Variants in RPH3A observed in about 807,000 individuals in gnomAD.
RPH3A encodes rabphilin 3A.
A neutral mutation model predicts 102.2 loss-of-function variants in RPH3A; 48 were observed. That is an observed-to-expected ratio of 0.47 (90% CI 0.37 to 0.60). The LOEUF is 0.60. Ranked by LOEUF, RPH3A falls within the 20% of genes least tolerant of loss-of-function variation. RPH3A has a pLI of 0.00. For missense variants in RPH3A, 781 were observed against 910.1 expected (o/e 0.86, Z 1.83); for synonymous variants, 310 against 324.3 (o/e 0.96, Z 0.47).
chr12:112,708,353 C>G (rs1436417668), intron 1 of RPH3A, among the ~76,000 whole-genome samples: 1 of 152,170 alleles, frequency 6.6e-6, no homozygotes, highest in African/African-American at 2.4e-5. Flanking sequence ...CCTCTTTGGG[C>G]TGTCCAGGCG....
chr12:112,789,843 G>A (rs1278659726), upstream of RPH3A, among the ~76,000 whole-genome samples: 1 of 148,588 alleles, frequency 6.7e-6, no homozygotes, highest in Non-Finnish European at 1.5e-5. Flanking sequence ...TTTGAGGCGA[G>A]GAGTTCAAGA....
At chr12:112,651,788 T>A (rs948744229) in intron 1 of RPH3A, 9 of 152,242 alleles carry the variant, frequency 5.9e-5, no homozygotes, top group Non-Finnish European at 1.2e-4. Context: ...CATGTTTCTA[T>A]TTTCTGCTTC....
intron 1 of RPH3A, among the ~76,000 whole-genome samples, chr12:112,614,559 A>G (rs1489926693): frequency 6.6e-6 from 1 of 150,800 alleles, no homozygotes; most frequent in African/African-American, 2.4e-5. Context: ...ATGGTGATGC[A>G]CACCTGTAGT....
chr12:112,796,909 G>C (rs1281190947), intron 2 of RPH3A, among the ~76,000 whole-genome samples: 1 of 152,126 alleles, frequency 6.6e-6, no homozygotes, highest in Non-Finnish European at 1.5e-5. Flanking sequence ...AATTAGCTTG[G>C]TGTGGTGGTG....
intron 10 of RPH3A, among the ~76,000 whole-genome samples, chr12:112,871,043 C>T (rs1391630841): frequency 1.3e-5 from 2 of 152,230 alleles, no homozygotes; most frequent in African/African-American, 4.8e-5. Context: ...GGCGATGCTA[C>T]TTGCCTTAGG....
At chr12:112,663,666 C>A (rs2040065639) in intron 1 of RPH3A, among the ~76,000 whole-genome samples, 1 of 152,002 alleles carries the variant, frequency 6.6e-6, no homozygotes. Flanking sequence ...CCCATAAATT[C>A]TTATTTATTC....
intron 5 of RPH3A, among the ~76,000 whole-genome samples, chr12:112,861,206 A>C (rs891239226): frequency 6.6e-6 from 1 of 152,218 alleles, no homozygotes; most frequent in Non-Finnish European, 1.5e-5. Flanking sequence ...CCACCAATGC[A>C]ACCCAATGCC....
chr12:112,575,534 C>T lies in RPH3A; in HGVS notation c.-140+215C>T, dbSNP rs557265231. ...GAGACCCGCGCAGGACCCGTGCTAT[C>T]CTTTGGGATTTTGAGGGGCGGGTCC... On this transcript the variant is annotated intron_variant, in intron 1 of 21. Coordinates refer to the RPH3A transcript ENST00000543106. Among the ~76,000 whole-genome samples, 571 of 152,154 alleles carry T rather than the reference C, an allele frequency of 3.8e-3. 27 individuals are homozygous for T. Among genetic ancestry groups the T allele is most frequent in the Admixed American group, 0.033 (498 of 15,300 alleles).
At chr12:112,633,378 G>C (rs1018611778) in intron 1 of RPH3A, among the ~76,000 whole-genome samples, 5 of 152,118 alleles carry the variant, frequency 3.3e-5, no homozygotes, top group African/African-American at 1.2e-4. Flanking sequence ...TCAAGAGGTG[G>C]GGCCTTTAAG....
intron 1 of RPH3A, among the ~76,000 whole-genome samples, chr12:112,638,815 T>G (rs887141214): frequency 2.6e-5 from 4 of 152,132 alleles, no homozygotes; most frequent in African/African-American, 9.7e-5. Flanking sequence ...ATGCCCTATA[T>G]GAGATGAGGA....
At chr12:112,869,657 C>G (rs1444909262) in intron 8 of RPH3A, 102 bp from the exon 9 acceptor site, 25 of 1,086,446 alleles carry the variant, frequency 2.3e-5, no homozygotes, top group Non-Finnish European at 5.5e-6. Flanking sequence ...AAAACATATT[C>G]TTAGGCAATA....
chr12:112,868,388 G>A (rs149423164), intron 7 of RPH3A, 42 bp from the exon 8 acceptor site: 47 of 1,598,908 alleles, frequency 2.9e-5, no homozygotes, highest in East Asian at 6.7e-5. Flanking sequence ...GAGCAACAGC[G>A]CTTGGCTGCC....
At chr12:112,726,225 C>T (rs1200125577) in intron 1 of RPH3A, among the ~76,000 whole-genome samples, 1 of 152,160 alleles carries the variant, frequency 6.6e-6, no homozygotes, top group Non-Finnish European at 1.5e-5. Context: ...AGTGGTTCTC[C>T]TGCCTCGGGC....
At chr12:112,862,342 C>T (rs1471601771) in intron 5 of RPH3A, among the ~76,000 whole-genome samples, 1 of 152,108 alleles carries the variant, frequency 6.6e-6, no homozygotes, top group African/African-American at 2.4e-5. Context: ...GAGGTTAGTG[C>T]TGCAATAAGC....
intron 1 of RPH3A, among the ~76,000 whole-genome samples, chr12:112,677,601 G>T (rs921700970): frequency 5.3e-5 from 8 of 151,448 alleles, no homozygotes; most frequent in African/African-American, 1.9e-4. Flanking sequence ...CACCCTGCGA[G>T]CCTGTAATGT....
chr12:112,686,292 T>C (rs1166208312), intron 1 of RPH3A, among the ~76,000 whole-genome samples: 6 of 152,162 alleles, frequency 3.9e-5, no homozygotes, highest in Non-Finnish European at 8.8e-5. Flanking sequence ...ATCACATGTG[T>C]GGTAGATTGT....
chr12:112,601,549 CA>C (rs1393359960), intron 1 of RPH3A, among the ~76,000 whole-genome samples: 4 of 151,930 alleles, frequency 2.6e-5, no homozygotes, highest in African/African-American at 9.7e-5. Context: ...TCAAATTGCA[CA>C]AAAAAGTACA....
chr12:112,827,716 G>A (rs2041902567), intron 2 of RPH3A, among the ~76,000 whole-genome samples: 2 of 152,036 alleles, frequency 1.3e-5, no homozygotes, highest in African/African-American at 4.8e-5. Context: ...CATGGACACA[G>A]GAAAGGGAAC....
At chr12:112,646,720 T>A (rs536247810) in intron 1 of RPH3A, among the ~76,000 whole-genome samples, 5 of 152,226 alleles carry the variant, frequency 3.3e-5, no homozygotes, top group Admixed American at 2.6e-4. Flanking sequence ...CCATCCCTAA[T>A]GTTAATTCCA....
Sources: allele counts gnomAD v4.1 joint callset (sites outside exome capture counted in the v4.1 genomes callset), GRCh38; gene constraint gnomAD v4.1.1; transcripts MANE v1.5; gene names NCBI Gene and HGNC (gene_info 2026-07-23, HGNC 2026-07-21).